Variants in ADCY2 observed in about 807,000 individuals in gnomAD.
The protein encoded by ADCY2 is adenylate cyclase type 2.
ADCY2 carries 31 observed loss-of-function variants against 125.2 expected under a neutral mutation model. The ratio of observed to expected loss-of-function variants is 0.25; its 90% CI spans 0.19 to 0.33. The LOEUF (loss-of-function observed/expected upper bound fraction) is 0.33. ADCY2 is among the 10% of genes least tolerant of loss of function. The probability of loss-of-function intolerance (pLI) is 1.00; values close to 1 mark genes in which losing one functional copy is unlikely to be tolerated. For synonymous variants in ADCY2, 512 were observed against 548.4 expected (o/e 0.93, Z 0.93); for missense variants, 904 against 1,418.2 (o/e 0.64, Z 5.82).
chr5:7,770,491 A>G (rs1440744738), intron 17 of ADCY2, among the ~76,000 whole-genome samples: 1 of 152,184 alleles, frequency 6.6e-6, no homozygotes, highest in African/African-American at 2.4e-5. Context: ...AAAACTTACA[A>G]AGGACTTTAG....
chr5:7,399,338 T>C (rs1350112554), intron 1 of ADCY2, among the ~76,000 whole-genome samples: 1 of 152,236 alleles, frequency 6.6e-6, no homozygotes, highest in Non-Finnish European at 1.5e-5. Flanking sequence ...ATTTTTTTGC[T>C]GTATGTAATT....
In ADCY2 at chr5:7,713,661, G is replaced by A. The variant is rs931638003; in HGVS notation, c.1622+762G>A. Among the ~76,000 whole-genome samples, 27 of 152,096 alleles carry A rather than the reference G, an allele frequency of 1.8e-4. 1 individual carries two copies. The highest frequency in any genetic ancestry group is 5.8e-4 in the African/African-American group (24 of 41,406). On this transcript the variant is annotated intron_variant, in intron 11 of 24. Transcript: ENST00000338316. Reference sequence around the variant, plus strand: ...CTCCACACGCCCTGTCGCAGCCACCGTAAAATCCCAGGCACCAACTCCTTT... The same window carrying A: ...CTCCACACGCCCTGTCGCAGCCACCATAAAATCCCAGGCACCAACTCCTTT...
At chr5:7,620,289 T>C (rs1427676258) in intron 3 of ADCY2, among the ~76,000 whole-genome samples, 3 of 152,254 alleles carry the variant, frequency 2.0e-5, no homozygotes, top group Admixed American at 6.5e-5. Context: ...GAAACTTCCA[T>C]GGGAAATCAA....
At chr5:7,714,914 A>T (rs946734387) in intron 11 of ADCY2, among the ~76,000 whole-genome samples, 1 of 152,218 alleles carries the variant, frequency 6.6e-6, no homozygotes. Context: ...AGGTGTTGGC[A>T]TGGGCCTGGG....
intron 15 of ADCY2, among the ~76,000 whole-genome samples, chr5:7,745,389 G>T (rs971001822): frequency 6.6e-6 from 1 of 152,170 alleles, no homozygotes; most frequent in Non-Finnish European, 1.5e-5. Context: ...TGTATTGAAA[G>T]CTCTTCCAAA....
intron 4 of ADCY2, among the ~76,000 whole-genome samples, chr5:7,687,293 T>C (rs1740551602): frequency 6.6e-6 from 1 of 152,230 alleles, no homozygotes; most frequent in Admixed American, 6.5e-5. Context: ...CTATATTTGA[T>C]TCTCTTTTTT....
chr5:7,700,838 C>T (rs1741055951), intron 7 of ADCY2, among the ~76,000 whole-genome samples: 1 of 151,532 alleles, frequency 6.6e-6, no homozygotes, highest in Admixed American at 6.6e-5. Context: ...TTTTGTCAGA[C>T]AGATCAGAAA....
rs1431632484 is a variant in ADCY2, at chr5:7,695,867, A to G, written c.981+4A>G. On this transcript the variant is annotated splice_donor_region_variant and intron_variant, in intron 6 of 24. Coordinates refer to ENST00000338316, the MANE Select transcript of ADCY2 (RefSeq NM_020546.3). ...AAAGTTTGATCAAATTGCAAAGGTGAGTATTATGGATTCTTTTCTTCTCTG... is the reference window on the plus strand; with the variant it reads ...AAAGTTTGATCAAATTGCAAAGGTGGGTATTATGGATTCTTTTCTTCTCTG... The G allele has an allele frequency of 2.5e-6, 4 of 1,585,732 alleles. No individual in the cohort carries two copies. The South Asian group carries it at 3.4e-5, about 13-fold the overall frequency.
intron 20 of ADCY2, among the ~76,000 whole-genome samples, chr5:7,790,535 G>T (rs1182069964): frequency 1.3e-5 from 2 of 152,234 alleles, no homozygotes; most frequent in African/African-American, 4.8e-5. Context: ...TGGACTTAAC[G>T]TGAGAAACAT....
chr5:7,515,783 T>C (rs1744233018), intron 2 of ADCY2, among the ~76,000 whole-genome samples: 1 of 152,192 alleles, frequency 6.6e-6, no homozygotes, highest in Non-Finnish European at 1.5e-5. Context: ...TCCTGGGCAC[T>C]GGGGTCTCGG....
chr5:7,593,521 AG>A (rs1736912075), intron 3 of ADCY2, among the ~76,000 whole-genome samples: 1 of 152,136 alleles, frequency 6.6e-6, no homozygotes, highest in Non-Finnish European at 1.5e-5. Flanking sequence ...TGTTACCAAC[AG>A]GGATGGAGCG....
intron 3 of ADCY2, among the ~76,000 whole-genome samples, chr5:7,599,230 G>A (rs1737117377): frequency 6.6e-6 from 1 of 152,204 alleles, no homozygotes; most frequent in Non-Finnish European, 1.5e-5. Flanking sequence ...AGTAGGGACA[G>A]CCCAGGGGCA....
At chr5:7,569,222 G>C (rs931409784) in intron 3 of ADCY2, among the ~76,000 whole-genome samples, 1 of 152,068 alleles carries the variant, frequency 6.6e-6, no homozygotes, top group Non-Finnish European at 1.5e-5. Flanking sequence ...AAGGCAGGTG[G>C]GGATGGTTCC....
chr5:7,705,716 G>GT (rs1337138076), intron 7 of ADCY2, among the ~76,000 whole-genome samples: 2 of 152,184 alleles, frequency 1.3e-5, no homozygotes, highest in African/African-American at 4.8e-5. Flanking sequence ...GGGTAGCTGG[G>GT]TTTTTTGCAA....
chr5:7,510,624 G>C (rs917296848), intron 2 of ADCY2, among the ~76,000 whole-genome samples: 1 of 152,296 alleles, frequency 6.6e-6, no homozygotes, highest in Admixed American at 6.5e-5. Flanking sequence ...TGTCATTGTT[G>C]TTCCAGGAAA....
intron 15 of ADCY2, among the ~76,000 whole-genome samples, chr5:7,754,068 C>T (rs900803646): frequency 1.1e-4 from 16 of 152,112 alleles, no homozygotes; most frequent in African/African-American, 3.4e-4. Flanking sequence ...TTGTGCCAAA[C>T]CCATGTCTGC....
chr5:7,430,944 T>G (rs1740576030), intron 2 of ADCY2, among the ~76,000 whole-genome samples: 1 of 152,132 alleles, frequency 6.6e-6, no homozygotes, highest in Non-Finnish European at 1.5e-5. Flanking sequence ...ATGTTAATTC[T>G]CCCCAAATTT....
At chr5:7,813,920 T>C (rs1745019983) in intron 22 of ADCY2, among the ~76,000 whole-genome samples, 1 of 152,204 alleles carries the variant, frequency 6.6e-6, no homozygotes. Flanking sequence ...ACACAAGATT[T>C]TGCTTGTTGA....
chr5:7,426,998 C>A (rs757115961), intron 2 of ADCY2, among the ~76,000 whole-genome samples: 1 of 152,300 alleles, frequency 6.6e-6, no homozygotes, highest in East Asian at 1.9e-4. Flanking sequence ...GCTGCCAGAA[C>A]AAAGTACCAC....
Sources: allele counts gnomAD v4.1 joint callset (sites outside exome capture counted in the v4.1 genomes callset), GRCh38; gene constraint gnomAD v4.1.1; transcripts MANE v1.5; gene names NCBI Gene and HGNC (gene_info 2026-07-23, HGNC 2026-07-21).